Variants in SEMA3E observed in about 807,000 individuals in gnomAD.
The protein encoded by SEMA3E is semaphorin-3E.
Under a neutral mutation model 93.6 loss-of-function variants are expected in SEMA3E, and 49 were observed. The observed-to-expected ratio is 0.52, with a 90% CI of 0.42 to 0.66. The LOEUF (loss-of-function observed/expected upper bound fraction) is 0.66, where lower values mean the gene tolerates loss of function less well. SEMA3E is among the 30% of genes least tolerant of loss of function. SEMA3E has a pLI of 0.00. For missense variants in SEMA3E, 906 were observed against 964.8 expected (o/e 0.94, Z 0.81); for synonymous variants, 363 against 330.7 (o/e 1.10, Z -1.06).
chr7:83,386,152 C>T (rs1260302068), intron 15 of SEMA3E, among the ~76,000 whole-genome samples: 3 of 151,996 alleles, frequency 2.0e-5, no homozygotes, highest in Non-Finnish European at 2.9e-5. Context: ...CAGAACTGAC[C>T]CCTAAACTTC....
intron 12 of SEMA3E, among the ~76,000 whole-genome samples, chr7:83,395,468 C>G: frequency 6.6e-6 from 1 of 152,118 alleles, no homozygotes; most frequent in East Asian, 1.9e-4. Context: ...AGTTGCAACC[C>G]CAATATCAAG....
At chr7:83,580,624 T>G (rs995966580) in intron 1 of SEMA3E, among the ~76,000 whole-genome samples, 12 of 152,008 alleles carry the variant, frequency 7.9e-5, no homozygotes, top group Admixed American at 5.9e-4. Flanking sequence ...TCATCAAGCA[T>G]GGTTCATAAA....
chr7:83,422,069 T>C (rs1213263841), intron 4 of SEMA3E, among the ~76,000 whole-genome samples: 1 of 152,070 alleles, frequency 6.6e-6, no homozygotes, highest in Non-Finnish European at 1.5e-5. Flanking sequence ...CCCAGCTACT[T>C]GGGAGGCTGA....
intron 16 of SEMA3E, among the ~76,000 whole-genome samples, chr7:83,373,535 A>G (rs1486657954): frequency 6.6e-6 from 1 of 152,194 alleles, no homozygotes; most frequent in Non-Finnish European, 1.5e-5. Flanking sequence ...ATGGTTACCT[A>G]GTAGACAGGA....
At chr7:83,570,279 C>T (rs571584297) in intron 1 of SEMA3E, among the ~76,000 whole-genome samples, 2 of 151,988 alleles carry the variant, frequency 1.3e-5, no homozygotes, top group African/African-American at 2.4e-5. Context: ...AGAGGCCGGG[C>T]GCGGTGGCTC....
At chr7:83,563,485 A>ACAG (rs368994206) in intron 1 of SEMA3E, among the ~76,000 whole-genome samples, 25 of 152,032 alleles carry the variant, frequency 1.6e-4, no homozygotes, top group Middle Eastern at 6.8e-3. Context: ...TGGACCAGCA[A>ACAG]CAGCAGCAGC....
chr7:83,586,311 C>T (rs550751420), intron 1 of SEMA3E, among the ~76,000 whole-genome samples: 2 of 152,130 alleles, frequency 1.3e-5, no homozygotes, highest in Admixed American at 6.6e-5. Flanking sequence ...ACATACAACC[C>T]CATGTCATAA....
At chr7:83,514,585 A>G (rs1188052312) in intron 1 of SEMA3E, among the ~76,000 whole-genome samples, 2 of 152,218 alleles carry the variant, frequency 1.3e-5, no homozygotes, top group Non-Finnish European at 2.9e-5. Context: ...ACTGCATACC[A>G]AACATTAAAT....
intron 4 of SEMA3E, among the ~76,000 whole-genome samples, chr7:83,457,758 G>C (rs1023589227): frequency 1.3e-5 from 2 of 152,038 alleles, no homozygotes; most frequent in Non-Finnish European, 2.9e-5. Flanking sequence ...TCGTCTCCGT[G>C]CTGTCTTTAC....
At chr7:83,456,927 T>A (rs1340459705) in intron 4 of SEMA3E, among the ~76,000 whole-genome samples, 1 of 152,198 alleles carries the variant, frequency 6.6e-6, no homozygotes, top group Non-Finnish European at 1.5e-5. Context: ...ACTCTATTTC[T>A]TGATTAAATT....
rs201719889 is a variant in SEMA3E, at chr7:83,402,713, G to A, written c.1062C>T (p.Asn354=). 3.2e-5 allele frequency: 51 copies of A among 1,612,788 alleles called. No homozygotes were observed. The highest frequency in any genetic ancestry group is 4.0e-5 in the African/African-American group (3 of 74,864). Residue 354 remains asparagine (N), a synonymous_variant, in exon 10 of 17, where the codon AAC becomes AAT. Transcript: ENST00000643230. ...YHMSSIRAAF[N]GPYAHKEGPE... ...GTCCTTCCTTATGTGCATATGGTCC[G>A]TTGAAGGCTGCCCGAATGCTAGACA...
chr7:83,564,917 T>G (rs1157102974), intron 1 of SEMA3E, among the ~76,000 whole-genome samples: 1 of 152,068 alleles, frequency 6.6e-6, no homozygotes, highest in Non-Finnish European at 1.5e-5. Context: ...GCTGGTTTTT[T>G]GAAAAAATTA....
chr7:83,466,413 A>C lies in SEMA3E; in HGVS notation c.456+69T>G, dbSNP rs1789756240. 1.9e-6 allele frequency: 3 copies of C among 1,553,446 alleles called. No homozygotes were observed. The African/African-American group carries it at 4.1e-5, about 21-fold the overall frequency. On this transcript the variant is annotated intron_variant, in intron 4 of 16. Coordinates refer to ENST00000643230, the MANE Select transcript of SEMA3E (RefSeq NM_012431.3). ...TATCTTTCTTGGGAAGAAATGCTGT[A>C]GTCTTTCTTTGAGAACAAGGTTGTT...
intron 1 of SEMA3E, among the ~76,000 whole-genome samples, chr7:83,554,653 C>T (rs1286669690): frequency 6.6e-6 from 1 of 152,164 alleles, no homozygotes. Context: ...AGAACATTTA[C>T]TTTATAACAA....
At chr7:83,437,279 A>T (rs2115769647) in intron 4 of SEMA3E, among the ~76,000 whole-genome samples, 1 of 152,322 alleles carries the variant, frequency 6.6e-6, no homozygotes, top group African/African-American at 2.4e-5. Flanking sequence ...CATGTCCTAC[A>T]ACCTTGTACT....
intron 2 of SEMA3E, among the ~76,000 whole-genome samples, chr7:83,470,372 A>G (rs10249000): frequency 0.019 from 2,940 of 152,054 alleles, 57 homozygotes; most frequent in African/African-American, 0.047. Context: ...TTCTTTTCTC[A>G]GACTCCTTTT....
At chr7:83,552,574 G>A (rs113364067) in intron 1 of SEMA3E, among the ~76,000 whole-genome samples, 3 of 152,242 alleles carry the variant, frequency 2.0e-5, no homozygotes, top group Admixed American at 6.5e-5. Flanking sequence ...TGCAAGTAGG[G>A]AAGATATTGC....
At chr7:83,489,235 A>AT (rs1236341124) in intron 2 of SEMA3E, among the ~76,000 whole-genome samples, 11 of 152,200 alleles carry the variant, frequency 7.2e-5, no homozygotes, top group African/African-American at 2.2e-4. Context: ...TTAAAGATGT[A>AT]TTTCTTAACA....
At chr7:83,427,141 GCTAA>G (rs1395653961) in intron 4 of SEMA3E, among the ~76,000 whole-genome samples, 2 of 152,050 alleles carry the variant, frequency 1.3e-5, no homozygotes, top group Non-Finnish European at 2.9e-5. Flanking sequence ...ACAATAATTT[GCTAA>G]CTAAGGATTC....
Sources: gnomAD v4.1 joint callset for allele counts (sites outside exome capture counted in the v4.1 genomes callset) on GRCh38, gnomAD v4.1.1 for gene constraint, MANE v1.5 for transcripts, NCBI Gene and HGNC (gene_info 2026-07-23, HGNC 2026-07-21) for gene names.